PLXDC2: variants seen among roughly 807,000 people sequenced by gnomAD.
PLXDC2 encodes the protein plexin domain-containing protein 2.
A neutral mutation model predicts 68.9 loss-of-function variants in PLXDC2; 40 were observed. The ratio of observed to expected loss-of-function variants is 0.58; its 90% CI spans 0.45 to 0.76. The LOEUF is 0.76. Among genes scored for constraint, PLXDC2 ranks in the 30% least tolerant of loss-of-function variants. The pLI, the probability that PLXDC2 is intolerant of heterozygous loss-of-function variation, is 0.00. For missense variants in PLXDC2, 644 were observed against 661.9 expected, an observed-to-expected ratio of 0.97 and a Z score of 0.30; for synonymous variants, 243 against 234.2, an observed-to-expected ratio of 1.04 and a Z score of -0.34.
chr10:19,995,143 T>C (rs922154986), intron 1 of PLXDC2, among the ~76,000 whole-genome samples: 1 of 152,192 alleles, frequency 6.6e-6, no homozygotes, highest in African/African-American at 2.4e-5. Context: ...AGTCTCTATT[T>C]TGAGACATCT....
At chr10:19,847,063 C>G (rs1016837130) in intron 1 of PLXDC2, among the ~76,000 whole-genome samples, 17 of 152,216 alleles carry the variant, frequency 1.1e-4, no homozygotes, top group African/African-American at 3.1e-4. Context: ...GTTACCTCCC[C>G]CCGGGTCCCT....
intron 7 of PLXDC2, among the ~76,000 whole-genome samples, chr10:20,166,767 A>G (rs1168923729): frequency 6.6e-6 from 1 of 152,174 alleles, no homozygotes; most frequent in Non-Finnish European, 1.5e-5. Context: ...ATATGCAAGT[A>G]TTATGTTGGT....
At chr10:20,221,616 A>T (rs1384923092) in intron 12 of PLXDC2, among the ~76,000 whole-genome samples, 1 of 152,172 alleles carries the variant, frequency 6.6e-6, no homozygotes, top group Admixed American at 6.5e-5. Context: ...ATCCTGACTA[A>T]GTTAGTGTGC....
chr10:20,128,547 T>A (rs1232905852), intron 4 of PLXDC2, among the ~76,000 whole-genome samples: 1 of 152,182 alleles, frequency 6.6e-6, no homozygotes. Flanking sequence ...AAATTTCAAG[T>A]ATGCAATGCA....
chr10:20,075,322 G>A (rs1836420008), intron 4 of PLXDC2, among the ~76,000 whole-genome samples: 1 of 152,062 alleles, frequency 6.6e-6, no homozygotes, highest in Admixed American at 6.6e-5. Context: ...CCAAATAGCT[G>A]GGACTACAGG....
intron 9 of PLXDC2, among the ~76,000 whole-genome samples, chr10:20,195,714 G>C (rs1035032563): frequency 2.0e-5 from 3 of 152,008 alleles, no homozygotes; most frequent in Non-Finnish European, 4.4e-5. Context: ...TGAGGCAATT[G>C]CCTCATCTAA....
chr10:20,211,690 T>A lies in PLXDC2; in HGVS notation c.1083T>A (p.Arg361=). 6.2e-7 allele frequency: 1 copy of A among 1,613,216 alleles called. No homozygotes were observed. Among genetic ancestry groups the A allele is most frequent in the South Asian group, 1.1e-5 (1 of 91,038 alleles). Residue 361 remains arginine (R), a synonymous_variant, in exon 10 of 14, where the codon CGT becomes CGA. Transcript: ENST00000377252. ...GAAGATGTTCCAGTGGATTTGATCG[T>A]CATCGGCAGGACTGGGTGGACAGTG... ...KLQRCSSGFD[R]HRQDWVDSGC...
intron 6 of PLXDC2, among the ~76,000 whole-genome samples, chr10:20,162,597 T>C (rs917242395): frequency 6.6e-6 from 1 of 152,136 alleles, no homozygotes; most frequent in Non-Finnish European, 1.5e-5. Context: ...ATTGGAATTT[T>C]TCCCTATGCT....
intron 13 of PLXDC2, among the ~76,000 whole-genome samples, chr10:20,273,666 C>A (rs1421485522): frequency 6.6e-6 from 1 of 152,022 alleles, no homozygotes; most frequent in Non-Finnish European, 1.5e-5. Flanking sequence ...TACCAAGAAA[C>A]ATCTGAAACA....
At chr10:19,870,345 T>A (rs964911344) in intron 1 of PLXDC2, among the ~76,000 whole-genome samples, 1 of 152,196 alleles carries the variant, frequency 6.6e-6, no homozygotes. Flanking sequence ...TTAACTGAAA[T>A]AATGTATGAA....
intron 10 of PLXDC2, among the ~76,000 whole-genome samples, chr10:20,217,100 T>C (rs950807091): frequency 6.6e-6 from 1 of 152,196 alleles, no homozygotes; most frequent in African/African-American, 2.4e-5. Flanking sequence ...AGTATAAATT[T>C]TCCCTTTTGA....
intron 4 of PLXDC2, among the ~76,000 whole-genome samples, chr10:20,131,165 A>ATTTTTT (rs35760576): frequency 1.3e-5 from 1 of 77,034 alleles, no homozygotes; most frequent in African/African-American, 6.2e-5. Flanking sequence ...TTTACTTGTT[A>ATTTTTT]TTTTTTTTTT....
chr10:19,976,161 T>G (rs1448231260), intron 1 of PLXDC2, among the ~76,000 whole-genome samples: 1 of 152,166 alleles, frequency 6.6e-6, no homozygotes, highest in Non-Finnish European at 1.5e-5. Context: ...CTTCTAGTTT[T>G]CCTGTGTTAT....
chr10:20,084,484 C>A (rs1271871066), intron 4 of PLXDC2, among the ~76,000 whole-genome samples: 3 of 152,012 alleles, frequency 2.0e-5, no homozygotes, highest in Non-Finnish European at 4.4e-5. Context: ...TTATAGCAGG[C>A]CTTGTAACAG....
chr10:20,160,166 C>T (rs1029843557), intron 6 of PLXDC2, among the ~76,000 whole-genome samples: 1 of 152,026 alleles, frequency 6.6e-6, no homozygotes. Flanking sequence ...ATCAAATGGA[C>T]AGTGTGTATG....
chr10:20,255,141 C>A (rs1835725352), intron 13 of PLXDC2, among the ~76,000 whole-genome samples: 1 of 150,580 alleles, frequency 6.6e-6, no homozygotes, highest in Admixed American at 6.6e-5. Context: ...CTACATAAGA[C>A]CATGAAAATC....
At chr10:20,039,744 T>TA (rs1263637149) in intron 2 of PLXDC2, among the ~76,000 whole-genome samples, 5 of 152,128 alleles carry the variant, frequency 3.3e-5, no homozygotes, top group South Asian at 2.1e-4. Context: ...GTGTTTATTA[T>TA]AAAAAAATTC....
intron 12 of PLXDC2, among the ~76,000 whole-genome samples, chr10:20,224,472 T>C (rs1835260236): frequency 6.6e-6 from 1 of 152,226 alleles, no homozygotes; most frequent in Non-Finnish European, 1.5e-5. Context: ...AATGTCTTCT[T>C]TGACATTTGA....
At position 19,818,731 on chromosome 10, in the gene PLXDC2, G is replaced by GA. The variant is rs142047425; in HGVS notation, c.112+1546dup. Among the ~76,000 whole-genome samples the GA allele has an allele frequency of 6.4e-3, 968 of 152,004 alleles. 42 individuals carry two copies. In the East Asian group the frequency reaches 0.11, roughly 17 times the overall value. ...TTTCTCTGATACGTTTCATTGGTCCGAAAAAATAACACTTTTAGCCTTCCA... is the reference window on the plus strand; with the variant it reads ...TTTCTCTGATACGTTTCATTGGTCCGAAAAAAATAACACTTTTAGCCTTCCA... On this transcript the variant is annotated intron_variant, in intron 1 of 13. Transcript: ENST00000377252.
Sources: allele counts gnomAD v4.1 joint callset (sites outside exome capture counted in the v4.1 genomes callset), GRCh38; gene constraint gnomAD v4.1.1; transcripts MANE v1.5; gene names NCBI Gene and HGNC (gene_info 2026-07-23, HGNC 2026-07-21).